LRRC49: variants seen among roughly 807,000 people sequenced by gnomAD.
LRRC49 encodes leucine rich repeat containing 49.
Under a neutral mutation model 83.3 loss-of-function variants are expected in LRRC49, and 50 were observed. That is an observed-to-expected ratio of 0.60 (90% CI 0.48 to 0.76). LRRC49 has a LOEUF of 0.76. Among genes scored for constraint, LRRC49 ranks in the 30% least tolerant of loss-of-function variants. The pLI is 0.00. For missense variants in LRRC49, 704 were observed against 809.1 expected (o/e 0.87, Z 1.58); for synonymous variants, 286 against 283.3 (o/e 1.01, Z -0.10).
At chr15:70,987,114 T>C (rs945229968) in intron 11 of LRRC49, among the ~76,000 whole-genome samples, 9 of 152,240 alleles carry the variant, frequency 5.9e-5, no homozygotes, top group African/African-American at 9.6e-5. Flanking sequence ...GTTGTGTCTC[T>C]ACCCGGCTTT....
upstream of LRRC49, among the ~76,000 whole-genome samples, chr15:70,889,234 C>T (rs1459915456): frequency 6.6e-6 from 1 of 152,022 alleles, no homozygotes; most frequent in African/African-American, 2.4e-5. Context: ...CAATGGAATA[C>T]TACATAATAA....
rs898738926 is a variant in LRRC49 at position 71,025,254 on chromosome 15, T to C, written c.1704-11925T>C. ...CCCAAGACACACAATTATCAGATTCTCCAAGATTGAAATGAAGGAAAAAAT... is the reference window on the plus strand; with the variant it reads ...CCCAAGACACACAATTATCAGATTCCCCAAGATTGAAATGAAGGAAAAAAT... On this transcript the variant is annotated intron_variant, in intron 14 of 15. Coordinates refer to ENST00000260382, the MANE Select transcript of LRRC49 (RefSeq NM_017691.5). Among the ~76,000 whole-genome samples the C allele has an allele frequency of 7.2e-4, 109 of 152,000 alleles. 4 individuals are homozygous for C. The highest frequency in any genetic ancestry group is 4.4e-4 in the Non-Finnish European group (30 of 68,006).
intron 14 of LRRC49, among the ~76,000 whole-genome samples, chr15:71,017,013 G>A (rs997737058): frequency 1.3e-5 from 2 of 152,140 alleles, no homozygotes; most frequent in East Asian, 3.9e-4. Context: ...GCTTGAGGCA[G>A]GAGGGAGAAT....
chr15:70,900,401 T>C (rs2034020194), intron 3 of LRRC49: 1 of 452,628 alleles, frequency 2.2e-6, no homozygotes, highest in African/African-American at 2.0e-5. Context: ...ACATCTGCTA[T>C]CCAAAACTAC....
Position 70,893,713 on chromosome 15 carries a change from A to C in LRRC49, c.105+73A>C, listed in dbSNP as rs2033694801. On this transcript the variant is annotated intron_variant, in intron 2 of 15. Coordinates refer to ENST00000260382, the MANE Select transcript of LRRC49 (RefSeq NM_017691.5). The stretch of plus-strand genomic sequence containing the variant: ...CTACACAAATAGCAGCATGACTTAA[A>C]GTGTAGATAGATTCTAAACTGAAAA... 10 of 1,154,816 alleles carry C rather than the reference A, an allele frequency of 8.7e-6. No homozygotes were observed. The South Asian group carries it at 1.3e-4, about 15-fold the overall frequency. 71.5% of individuals were successfully genotyped at this position (1,154,816 alleles called of 1,614,324 possible).
intron 1 of LRRC49, among the ~76,000 whole-genome samples, chr15:70,865,690 G>T (rs1435340836): frequency 6.6e-6 from 1 of 152,168 alleles, no homozygotes; most frequent in African/African-American, 2.4e-5. Flanking sequence ...AAAAGCCAGA[G>T]AACTCTGCCC....
chr15:70,963,657 G>T, intron 8 of LRRC49, 128 bp from the exon 9 acceptor site: 1 of 976,994 alleles, frequency 1.0e-6, no homozygotes, highest in Non-Finnish European at 1.5e-6. Context: ...ATGGGGTATA[G>T]GGGAACTCTG....
intron 11 of LRRC49, among the ~76,000 whole-genome samples, chr15:71,005,390 G>A (rs867136660): frequency 4.6e-5 from 7 of 151,618 alleles, no homozygotes; most frequent in South Asian, 2.1e-4. Flanking sequence ...CTTCCTCTCC[G>A]CCCCACCCAT....
chr15:70,971,129 A>C (rs922767437), intron 9 of LRRC49, among the ~76,000 whole-genome samples: 33 of 152,190 alleles, frequency 2.2e-4, no homozygotes, highest in Non-Finnish European at 5.9e-5. Flanking sequence ...TTAGTACTAT[A>C]AATTTCCCTC....
At position 71,018,139 on chromosome 15, in the gene LRRC49, G is replaced by A. The variant is rs546104970; in HGVS notation, c.1703+5226G>A. Reference sequence around the variant, plus strand: ...GAGACAGTTCATTGAATGAAATATGGCATAAAACTATTTATATTATGACCC... The same window carrying A: ...GAGACAGTTCATTGAATGAAATATGACATAAAACTATTTATATTATGACCC... On this transcript the variant is annotated intron_variant, in intron 14 of 15. Coordinates refer to ENST00000260382, the MANE Select transcript of LRRC49 (RefSeq NM_017691.5). Among the ~76,000 whole-genome samples the A allele has an allele frequency of 2.0e-5, 3 of 151,972 alleles. No homozygotes were observed. The South Asian group carries it at 6.2e-4, about 32-fold the overall frequency.
At chr15:70,891,902 G>A (rs1437781225), upstream of LRRC49, 6 of 1,613,208 alleles carry the variant, frequency 3.7e-6, no homozygotes, top group African/African-American at 5.3e-5. Context: ...TGGACCTGGG[G>A]CAGCCTCAGA....
At chr15:70,980,235 A>G in intron 10 of LRRC49, 51 bp downstream of exon 10, 2 of 1,298,710 alleles carry the variant, frequency 1.5e-6, no homozygotes, top group South Asian at 2.7e-5. Context: ...AGACACACAT[A>G]CCCCAAAGCC....
chr15:70,938,503 GCT>G (rs1282024496), intron 8 of LRRC49, among the ~76,000 whole-genome samples: 1 of 152,014 alleles, frequency 6.6e-6, no homozygotes, highest in Non-Finnish European at 1.5e-5. Context: ...TATGTTTCCT[GCT>G]CTGTTTTTGT....
intron 9 of LRRC49, among the ~76,000 whole-genome samples, chr15:70,964,607 T>G (rs756335696): frequency 6.6e-6 from 1 of 152,172 alleles, no homozygotes; most frequent in Non-Finnish European, 1.5e-5. Context: ...GGAAATGCTG[T>G]GCATAATATC....
intron 8 of LRRC49, among the ~76,000 whole-genome samples, chr15:70,944,050 A>G (rs960344814): frequency 9.2e-5 from 14 of 152,160 alleles, no homozygotes; most frequent in African/African-American, 1.9e-4. Flanking sequence ...CCTGCAGAAT[A>G]TCTTGTATTA....
intron 11 of LRRC49, among the ~76,000 whole-genome samples, chr15:71,003,880 A>G (rs1042660918): frequency 2.0e-5 from 3 of 152,164 alleles, no homozygotes; most frequent in Non-Finnish European, 4.4e-5. Context: ...TTATGCCAGC[A>G]TATGGTCTAG....
intron 9 of LRRC49, among the ~76,000 whole-genome samples, chr15:70,966,084 A>G (rs1025194103): frequency 1.3e-5 from 2 of 152,168 alleles, no homozygotes; most frequent in Admixed American, 6.6e-5. Context: ...CTACAAGCCC[A>G]AAATATTTAT....
chr15:71,029,362 A>C (rs559362062), intron 14 of LRRC49, among the ~76,000 whole-genome samples: 10 of 152,206 alleles, frequency 6.6e-5, no homozygotes, highest in African/African-American at 1.9e-4. Context: ...CCTGAGTTCT[A>C]ATTTGATTGC....
intron 11 of LRRC49, among the ~76,000 whole-genome samples, chr15:71,002,983 G>A: frequency 9.9e-6 from 1 of 100,816 alleles, no homozygotes; most frequent in African/African-American, 3.6e-5. Context: ...AGTTTTTGAG[G>A]CTGGAGCGCA....
Sources: gnomAD v4.1 joint callset for allele counts (sites outside exome capture counted in the v4.1 genomes callset) on GRCh38, gnomAD v4.1.1 for gene constraint, MANE v1.5 for transcripts, NCBI Gene and HGNC (gene_info 2026-07-23, HGNC 2026-07-21) for gene names.